DPYD: variants seen among roughly 807,000 people sequenced by gnomAD.
DPYD encodes dihydropyrimidine dehydrogenase.
A neutral mutation model predicts 116.2 loss-of-function variants in DPYD; 109 were observed. That is an observed-to-expected ratio of 0.94 (90% confidence interval 0.80 to 1.10). DPYD has a LOEUF of 1.10. Among genes scored for constraint, DPYD ranks in the 50% least tolerant of loss-of-function variants. The pLI is 0.00. For synonymous variants in DPYD, 440 were observed against 432.0 expected (o/e 1.02, Z -0.23); for missense variants, 1,302 against 1,254.5 (o/e 1.04, Z -0.57).
chr1:97,353,753 TG>T, intron 16 of DPYD, among the ~76,000 whole-genome samples: 1 of 113,222 alleles, frequency 8.8e-6, no homozygotes, highest in Middle Eastern at 4.0e-3. Context: ...TTCCAGAAAC[TG>T]GACTTTTCGG....
intron 13 of DPYD, among the ~76,000 whole-genome samples, chr1:97,502,105 A>G (rs1679618510): frequency 6.6e-6 from 1 of 152,076 alleles, no homozygotes; most frequent in Non-Finnish European, 1.5e-5. Context: ...ATTACAGAAG[A>G]GGATAAATTT....
intron 3 of DPYD, among the ~76,000 whole-genome samples, chr1:97,800,709 G>A (rs114102956): frequency 0.017 from 2,519 of 151,892 alleles, 71 homozygotes; most frequent in African/African-American, 0.058. Context: ...AACTGCCACT[G>A]TCTTTTTTTC....
At chr1:97,803,444 T>C (rs1667936201) in intron 3 of DPYD, among the ~76,000 whole-genome samples, 1 of 151,868 alleles carries the variant, frequency 6.6e-6, no homozygotes, top group Non-Finnish European at 1.5e-5. Flanking sequence ...ATTGAGACAT[T>C]AATCAAAAAG....
chr1:97,488,426 T>TAC (rs1678774984), intron 13 of DPYD, among the ~76,000 whole-genome samples: 1 of 152,126 alleles, frequency 6.6e-6, no homozygotes, highest in South Asian at 2.1e-4. Context: ...TACACACACA[T>TAC]ACACAAAGGA....
At position 97,201,751 on chromosome 1, in the gene DPYD, C is replaced by T. The variant is rs141291528; in HGVS notation, c.2443-8503G>A. 2.4e-3 allele frequency among the ~76,000 whole-genome samples: 363 copies of T among 152,168 alleles called. 1 individual carries two copies. The highest frequency in any genetic ancestry group is 0.024 in the Middle Eastern group (7 of 294). On this transcript the variant is annotated intron_variant, in intron 19 of 22. Transcript: ENST00000370192. ...TATATTGCATTTAGCAGTAATGTAA[C>T]GGACTACGTGAAGAAATCAAAGTGA... is the stretch of plus-strand genomic sequence containing the variant.
intron 16 of DPYD, among the ~76,000 whole-genome samples, chr1:97,349,744 C>T (rs1268694604): frequency 7.9e-5 from 12 of 151,980 alleles, no homozygotes; most frequent in African/African-American, 1.9e-4. Flanking sequence ...TCCAGTCTAT[C>T]GTTGTTGGAC....
intron 5 of DPYD, among the ~76,000 whole-genome samples, chr1:97,716,752 T>C (rs2101015227): frequency 6.6e-6 from 1 of 152,208 alleles, no homozygotes; most frequent in African/African-American, 2.4e-5. Context: ...CCACATTCTT[T>C]GTACAATTAT....
At chr1:97,499,405 A>G (rs1265705645) in intron 13 of DPYD, among the ~76,000 whole-genome samples, 1 of 151,834 alleles carries the variant, frequency 6.6e-6, no homozygotes, top group Non-Finnish European at 1.5e-5. Flanking sequence ...AGAACATTGA[A>G]AAACACCTTT....
intron 10 of DPYD, among the ~76,000 whole-genome samples, chr1:97,580,639 T>A (rs967959251): frequency 6.6e-6 from 1 of 152,232 alleles, no homozygotes; most frequent in Non-Finnish European, 1.5e-5. Flanking sequence ...AGCCCACTTG[T>A]GTGCTTTTTT....
intron 16 of DPYD, among the ~76,000 whole-genome samples, chr1:97,310,946 C>A (rs1372298617): frequency 1.3e-5 from 2 of 151,666 alleles, no homozygotes; most frequent in Non-Finnish European, 2.9e-5. Context: ...AATCATGCCA[C>A]AACTTGGAAT....
Position 97,460,814 on chromosome 1 carries a change from G to A in DPYD, c.1741-10591C>T, listed in dbSNP as rs542614427. Among the ~76,000 whole-genome samples, 57 of 152,146 alleles carry A rather than the reference G, an allele frequency of 3.7e-4. 1 individual carries two copies. Among genetic ancestry groups the A allele is most frequent in the African/African-American group, 1.2e-3 (51 of 41,524 alleles). On this transcript the variant is annotated intron_variant, in intron 13 of 22. Transcript: ENST00000370192. ...AGCACTTTGGGAGACCAAGGTGGGC[G>A]GATCACCCGAGGTCGGGAGTTCAAG...
intron 18 of DPYD, among the ~76,000 whole-genome samples, chr1:97,304,568 T>C (rs1667049032): frequency 6.6e-6 from 1 of 151,954 alleles, no homozygotes; most frequent in Non-Finnish European, 1.5e-5. Context: ...TGTTATGTTA[T>C]GTATATTTAC....
chr1:97,821,651 C>T (rs1388849466), intron 3 of DPYD, among the ~76,000 whole-genome samples: 3 of 151,938 alleles, frequency 2.0e-5, no homozygotes, highest in Admixed American at 6.6e-5. Flanking sequence ...ATTTCCACAC[C>T]CATGGCACTA....
intron 13 of DPYD, among the ~76,000 whole-genome samples, chr1:97,510,671 T>C (rs1233270206): frequency 2.0e-5 from 3 of 152,000 alleles, no homozygotes; most frequent in Non-Finnish European, 2.9e-5. Context: ...CTTCTATGCA[T>C]GTCCCTTTGT....
At chr1:97,340,333 A>C (rs1476748864) in intron 16 of DPYD, among the ~76,000 whole-genome samples, 1 of 152,194 alleles carries the variant, frequency 6.6e-6, no homozygotes, top group East Asian at 1.9e-4. Context: ...AGCTATATGC[A>C]TAAACTATAT....
At chr1:97,439,647 G>T (rs549680406) in intron 14 of DPYD, among the ~76,000 whole-genome samples, 1 of 151,310 alleles carries the variant, frequency 6.6e-6, no homozygotes, top group South Asian at 2.1e-4. Context: ...AATTTTTTTC[G>T]TCTCCGCAAG....
intron 22 of DPYD, among the ~76,000 whole-genome samples, chr1:97,080,647 A>C (rs1365135862): frequency 6.6e-6 from 1 of 152,174 alleles, no homozygotes; most frequent in Non-Finnish European, 1.5e-5. Context: ...AAAACGATTT[A>C]TCTTCCTTAG....
At chr1:97,235,882 C>A (rs1661890540) in intron 18 of DPYD, among the ~76,000 whole-genome samples, 1 of 152,018 alleles carries the variant, frequency 6.6e-6, no homozygotes, top group South Asian at 2.1e-4. Flanking sequence ...AAGTTTTAAT[C>A]AAGTTAAAGA....
chr1:97,164,736 A>G (rs1335947765), intron 20 of DPYD, among the ~76,000 whole-genome samples: 1 of 152,212 alleles, frequency 6.6e-6, no homozygotes, highest in East Asian at 1.9e-4. Context: ...AAAGATCGCT[A>G]CAATGAGGAT....
Sources: gnomAD v4.1 joint callset for allele counts (sites outside exome capture counted in the v4.1 genomes callset) on GRCh38, gnomAD v4.1.1 for gene constraint, MANE v1.5 for transcripts, NCBI Gene and HGNC (gene_info 2026-07-23, HGNC 2026-07-21) for gene names.